Variants in CFDP1 observed in about 807,000 individuals in gnomAD.
CFDP1 encodes the protein chromatin remodeling protein CFDP1.
In CFDP1, 31 loss-of-function variants were observed where a neutral mutation model predicts 40.1. The observed-to-expected ratio is 0.77, with a 90% confidence interval of 0.58 to 1.04. The LOEUF is 1.04. Ranked by LOEUF, CFDP1 falls within the 50% of genes least tolerant of loss-of-function variation. CFDP1 has a pLI of 0.00. For missense variants in CFDP1, 423 were observed against 343.4 expected (o/e 1.23, Z -1.83); for synonymous variants, 167 against 120.0 (o/e 1.39, Z -2.56).
At chr16:75,318,625 C>T (rs546876187) in intron 5 of CFDP1, among the ~76,000 whole-genome samples, 16 of 152,032 alleles carry the variant, frequency 1.1e-4, no homozygotes, top group South Asian at 8.3e-4. Context: ...AGGATGGTCT[C>T]GATCTCCTGA....
intron 5 of CFDP1, among the ~76,000 whole-genome samples, chr16:75,326,330 G>C (rs1229349432): frequency 6.6e-6 from 1 of 152,162 alleles, no homozygotes; most frequent in Non-Finnish European, 1.5e-5. Context: ...GTCCACTCTG[G>C]AAGCTAAAAA....
chr16:75,352,893 C>A (rs2063493116), intron 5 of CFDP1, among the ~76,000 whole-genome samples: 2 of 152,154 alleles, frequency 1.3e-5, no homozygotes, highest in African/African-American at 4.8e-5. Flanking sequence ...TAAAACATCA[C>A]TCTAATACAG....
At chr16:75,379,770 C>A (rs1597367756) in intron 5 of CFDP1, 1 of 152,140 alleles carries the variant, frequency 6.6e-6, no homozygotes, top group African/African-American at 2.4e-5. Context: ...CAAGGAATCT[C>A]TGCACTAGTT....
intron 5 of CFDP1, among the ~76,000 whole-genome samples, chr16:75,389,294 C>G (rs1037805955): frequency 6.6e-6 from 1 of 152,140 alleles, no homozygotes; most frequent in South Asian, 2.1e-4. Flanking sequence ...AATGACAAGA[C>G]CATGAGAATT....
intron 5 of CFDP1, among the ~76,000 whole-genome samples, chr16:75,349,680 A>ATATATATATATATATATATATAT (rs59380218): frequency 6.0e-4 from 4 of 6,670 alleles, no homozygotes; most frequent in African/African-American, 8.7e-4. Flanking sequence ...AAAAAAAAAA[A>ATATATATATATATATATATATAT]AAAAAAAAAA....
chr16:75,313,566 A>G (rs998727628), intron 5 of CFDP1, among the ~76,000 whole-genome samples: 1 of 152,130 alleles, frequency 6.6e-6, no homozygotes, highest in African/African-American at 2.4e-5. Context: ...CCTGGCCTCA[A>G]GTGATCTGCC....
At chr16:75,389,585 G>A (rs2078930756) in intron 5 of CFDP1, among the ~76,000 whole-genome samples, 1 of 152,126 alleles carries the variant, frequency 6.6e-6, no homozygotes, top group Non-Finnish European at 1.5e-5. Context: ...TTCCTGTATT[G>A]CTTAAATCTG....
chr16:75,427,349 C>T (rs1421504656), intron 1 of CFDP1, among the ~76,000 whole-genome samples: 2 of 151,924 alleles, frequency 1.3e-5, no homozygotes, highest in African/African-American at 4.8e-5. Flanking sequence ...CTCCTGGGTT[C>T]AAGCGATTCT....
chr16:75,392,276 G>A (rs551220176), intron 5 of CFDP1, among the ~76,000 whole-genome samples: 4 of 151,662 alleles, frequency 2.6e-5, no homozygotes, highest in African/African-American at 9.7e-5. Flanking sequence ...GTGGCAGCAC[G>A]TGCCTGTAAT....
intron 1 of CFDP1, among the ~76,000 whole-genome samples, chr16:75,431,154 GAAA>G (rs201199771): frequency 6.8e-6 from 1 of 147,486 alleles, no homozygotes; most frequent in African/African-American, 2.5e-5. Context: ...ACTGTCATTA[GAAA>G]AAAAAAACAC....
chr16:75,377,330 G>A (rs1180635668), intron 5 of CFDP1, among the ~76,000 whole-genome samples: 1 of 152,204 alleles, frequency 6.6e-6, no homozygotes, highest in Non-Finnish European at 1.5e-5. Flanking sequence ...AAATATTGAA[G>A]TGTGGAGTAT....
intron 5 of CFDP1, among the ~76,000 whole-genome samples, chr16:75,372,981 G>T (rs1003598593): frequency 6.6e-6 from 1 of 152,084 alleles, no homozygotes; most frequent in Non-Finnish European, 1.5e-5. Context: ...ACATCTTGTT[G>T]TTTTAAAGGA....
At chr16:75,312,461 C>T (rs960974128) in intron 5 of CFDP1, among the ~76,000 whole-genome samples, 1 of 152,194 alleles carries the variant, frequency 6.6e-6, no homozygotes, top group African/African-American at 2.4e-5. Context: ...CAAGTAGCAA[C>T]AGCTTTACCT....
Position 75,412,707 on chromosome 16 carries a change from T to A in CFDP1, c.230A>T (p.Asp77Val). Reference sequence around the variant, plus strand: ...GCTTCCCTCAGATTCTGAATTGGCATCCTCCTCTTCCTCTTCTTCTAATGA... The same window carrying A: ...GCTTCCCTCAGATTCTGAATTGGCAACCTCCTCTTCCTCTTCTTCTAATGA... Reference protein sequence around the residue: ...GLSLEEEEEEDANSESEGSSS... With the variant: ...GLSLEEEEEEVANSESEGSSS... Residue 77 changes from aspartate (D) to valine (V), a missense_variant, in exon 3 of 7, where the codon GAT becomes GTT. By Grantham distance (152) the Asp-to-Val change is radical. Coordinates refer to ENST00000283882, the MANE Select transcript of CFDP1 (RefSeq NM_006324.3). 1.2e-6 allele frequency: 2 copies of A among 1,614,064 alleles called. No individual in the cohort carries two copies. The highest frequency in any genetic ancestry group is 1.1e-5 in the South Asian group (1 of 91,082).
chr16:75,315,882 T>A (rs954924797), intron 5 of CFDP1, among the ~76,000 whole-genome samples: 7 of 152,162 alleles, frequency 4.6e-5, no homozygotes, highest in Non-Finnish European at 8.8e-5. Context: ...CAAAATGGCC[T>A]CGTTAGTTGC....
Position 75,433,457 on chromosome 16 carries a change from C to G in CFDP1, c.-105G>C. 9.0e-7 allele frequency: 1 copy of G among 1,116,768 alleles called. No homozygotes were observed. The highest frequency in any genetic ancestry group is 1.3e-5 in the South Asian group (1 of 74,908). The allele number at this position is 1,116,768 out of a possible 1,614,324, so 69.2% of individuals were successfully genotyped here. ...AGAGCCCCGGCGGCGGCGACGGCAG[C>G]TAGGGCGGCCCCCGACAGCGCTTTG... On this transcript the variant is annotated 5_prime_UTR_variant, in exon 1 of 7. Coordinates refer to ENST00000283882, the MANE Select transcript of CFDP1 (RefSeq NM_006324.3).
At chr16:75,300,099 G>A (rs1459496649) in intron 6 of CFDP1, among the ~76,000 whole-genome samples, 1 of 152,160 alleles carries the variant, frequency 6.6e-6, no homozygotes. Context: ...TACTGCTTCC[G>A]CTGCTGGGTG....
intron 5 of CFDP1, among the ~76,000 whole-genome samples, chr16:75,351,644 CCAAT>C (rs761836859): frequency 3.3e-5 from 5 of 152,072 alleles, no homozygotes; most frequent in Middle Eastern, 3.4e-3. Flanking sequence ...GGTTAGTGTA[CCAAT>C]CAATTTTGAA....
chr16:75,352,488 G>A (rs2094234777), intron 5 of CFDP1, among the ~76,000 whole-genome samples: 1 of 152,066 alleles, frequency 6.6e-6, no homozygotes, highest in African/African-American at 2.4e-5. Context: ...AATAAATGAA[G>A]AAATGATAAA....
Sources: gnomAD v4.1 joint callset for allele counts (sites outside exome capture counted in the v4.1 genomes callset) on GRCh38, gnomAD v4.1.1 for gene constraint, MANE v1.5 for transcripts, NCBI Gene and HGNC (gene_info 2026-07-23, HGNC 2026-07-21) for gene names.